Variants in GRID2 observed in about 807,000 individuals in gnomAD.
GRID2 encodes glutamate receptor ionotropic, delta-2.
Under a neutral mutation model 114.8 loss-of-function variants are expected in GRID2, and 33 were observed. The ratio of observed to expected loss-of-function variants is 0.29; its 90% CI spans 0.22 to 0.38. GRID2 has a LOEUF of 0.38. GRID2 is among the 10% of genes least tolerant of loss of function. The pLI, the probability that GRID2 is intolerant of heterozygous loss-of-function variation, is 1.00. For synonymous variants in GRID2, 505 were observed against 449.9 expected (o/e 1.12, Z -1.55); for missense variants, 1,184 against 1,257.7 (o/e 0.94, Z 0.89).
chr4:93,698,616 A>G (rs1727246186), intron 14 of GRID2, among the ~76,000 whole-genome samples: 1 of 152,120 alleles, frequency 6.6e-6, no homozygotes, highest in Non-Finnish European at 1.5e-5. Context: ...AGATTAATTA[A>G]TAACTGGCTG....
chr4:92,938,287 G>A (rs1031096622), intron 2 of GRID2, among the ~76,000 whole-genome samples: 2 of 146,136 alleles, frequency 1.4e-5, no homozygotes, highest in African/African-American at 4.9e-5. Flanking sequence ...TTTTAGTTGG[G>A]ATTCTTTTCT....
intron 2 of GRID2, among the ~76,000 whole-genome samples, chr4:92,810,933 A>C (rs895622335): frequency 6.6e-6 from 1 of 152,070 alleles, no homozygotes. Flanking sequence ...CTGGGACTAC[A>C]GGTGCACACC....
intron 1 of GRID2, among the ~76,000 whole-genome samples, chr4:92,384,566 ATAATATAT>A (rs1729811845): frequency 1.3e-5 from 1 of 74,920 alleles, no homozygotes; most frequent in Admixed American, 1.9e-4. Flanking sequence ...TATATATAAT[ATAATATAT>A]AAAATATATT....
intron 1 of GRID2, among the ~76,000 whole-genome samples, chr4:92,323,402 T>A (rs1176713150): frequency 2.0e-5 from 3 of 152,110 alleles, no homozygotes; most frequent in Non-Finnish European, 4.4e-5. Flanking sequence ...TCTACAAACT[T>A]TTGTCTCAGG....
chr4:92,622,788 G>T (rs1730335149), intron 2 of GRID2, among the ~76,000 whole-genome samples: 1 of 151,632 alleles, frequency 6.6e-6, no homozygotes, highest in Non-Finnish European at 1.5e-5. Context: ...ATTTATCTAA[G>T]TACATATTCC....
intron 8 of GRID2, among the ~76,000 whole-genome samples, chr4:93,394,523 G>A (rs1765145723): frequency 6.6e-6 from 1 of 151,866 alleles, no homozygotes; most frequent in Non-Finnish European, 1.5e-5. Context: ...TTGCCAGCCA[G>A]TATGTAGATG....
intron 2 of GRID2, among the ~76,000 whole-genome samples, chr4:92,807,221 T>C (rs1740462879): frequency 6.6e-6 from 1 of 152,032 alleles, no homozygotes. Flanking sequence ...AGTATTTAAA[T>C]TTTGGCCTAC....
chr4:93,488,234 T>C (rs1390368740), intron 11 of GRID2, among the ~76,000 whole-genome samples: 1 of 151,990 alleles, frequency 6.6e-6, no homozygotes. Context: ...CATATGGATG[T>C]AAAAATAAAT....
At chr4:92,688,434 G>A (rs1049349113) in intron 2 of GRID2, among the ~76,000 whole-genome samples, 5 of 152,058 alleles carry the variant, frequency 3.3e-5, no homozygotes, top group African/African-American at 1.2e-4. Flanking sequence ...CAAAATTACA[G>A]TCCTTAAACT....
chr4:93,399,023 C>T (rs1311994508), intron 9 of GRID2, among the ~76,000 whole-genome samples: 1 of 151,916 alleles, frequency 6.6e-6, no homozygotes, highest in African/African-American at 2.4e-5. Flanking sequence ...TCTCCCCTCA[C>T]CCCACCCAGC....
chr4:92,694,111 A>G (rs2149295519), intron 2 of GRID2, among the ~76,000 whole-genome samples: 2 of 152,314 alleles, frequency 1.3e-5, no homozygotes, highest in Middle Eastern at 6.8e-3. Flanking sequence ...TTAAAACTCG[A>G]AAAGTGTAAA....
intron 2 of GRID2, among the ~76,000 whole-genome samples, chr4:92,644,511 A>G (rs1731516774): frequency 6.6e-6 from 1 of 151,708 alleles, no homozygotes; most frequent in African/African-American, 2.4e-5. Context: ...TGTTATGGCT[A>G]TTAACTTTTA....
At chr4:93,605,717 T>C (rs1361332249) in intron 13 of GRID2, among the ~76,000 whole-genome samples, 1 of 152,090 alleles carries the variant, frequency 6.6e-6, no homozygotes, top group African/African-American at 2.4e-5. Context: ...ATAGGAGAGG[T>C]GATGATACTA....
chr4:92,445,560 G>C (rs1320279508), intron 1 of GRID2, among the ~76,000 whole-genome samples: 2 of 152,168 alleles, frequency 1.3e-5, no homozygotes, highest in African/African-American at 2.4e-5. Context: ...AGCAATGGTG[G>C]AAATCCAACA....
At chr4:92,445,608 G>T (rs1056368910) in intron 1 of GRID2, among the ~76,000 whole-genome samples, 3 of 152,136 alleles carry the variant, frequency 2.0e-5, no homozygotes, top group African/African-American at 7.2e-5. Flanking sequence ...TGCTACCCTT[G>T]AATCCAATAA....
At chr4:92,654,858 C>T (rs1732148622) in intron 2 of GRID2, among the ~76,000 whole-genome samples, 1 of 151,938 alleles carries the variant, frequency 6.6e-6, no homozygotes, top group East Asian at 1.9e-4. Context: ...GTTGTCTCTT[C>T]ATTCTGTTGA....
intron 8 of GRID2, among the ~76,000 whole-genome samples, chr4:93,327,626 A>G (rs1757976808): frequency 6.6e-6 from 1 of 152,062 alleles, no homozygotes; most frequent in Non-Finnish European, 1.5e-5. Context: ...TCTTAAGTGA[A>G]ACAACTCAGA....
At chr4:93,079,352 A>C (rs1729644609) in intron 2 of GRID2, among the ~76,000 whole-genome samples, 1 of 151,940 alleles carries the variant, frequency 6.6e-6, no homozygotes, top group Admixed American at 6.6e-5. Flanking sequence ...CCAAACTAAA[A>C]ATTTTTTAAA....
rs1449128373 is a variant in GRID2, at chr4:92,433,567, C to G, written c.88+128823C>G. ...TGCCAAGTCCCACAATCATTGCAAGCACACAGATTCTCTCCCCACCTGCTG... is the reference window on the plus strand; with the variant it reads ...TGCCAAGTCCCACAATCATTGCAAGGACACAGATTCTCTCCCCACCTGCTG... On this transcript the variant is annotated intron_variant, in intron 1 of 15. Transcript: ENST00000282020. Among the ~76,000 whole-genome samples, 4 of 152,174 alleles carry G rather than the reference C, an allele frequency of 2.6e-5. No homozygotes were observed. The East Asian group carries it at 7.7e-4, about 29-fold the overall frequency.
Sources: allele counts gnomAD v4.1 joint callset (sites outside exome capture counted in the v4.1 genomes callset), GRCh38; gene constraint gnomAD v4.1.1; transcripts MANE v1.5; gene names NCBI Gene and HGNC (gene_info 2026-07-23, HGNC 2026-07-21).